The following PCBP3 variants were observed in gnomAD, a reference collection of about 807,000 sequenced individuals.
PCBP3 encodes poly(rC)-binding protein 3.
In PCBP3, 25 loss-of-function variants were observed where a neutral mutation model predicts 52.7. That is an observed-to-expected ratio of 0.47 (90% CI 0.35 to 0.66). The LOEUF (loss-of-function observed/expected upper bound fraction) is 0.66, where lower values mean the gene tolerates loss of function less well. Among genes scored for constraint, PCBP3 ranks in the 30% least tolerant of loss-of-function variants. PCBP3 has a pLI of 0.01. For missense variants in PCBP3, 391 were observed against 490.3 expected, an observed-to-expected ratio of 0.80 and a Z score of 1.91; for synonymous variants, 162 against 183.0, an observed-to-expected ratio of 0.89 and a Z score of 0.93.
chr21:45,674,129 A>G (rs1051554935), intron 2 of PCBP3, among the ~76,000 whole-genome samples: 1 of 152,212 alleles, frequency 6.6e-6, no homozygotes. Context: ...ACTTGAGTCA[A>G]GACAAGACTC....
intron 2 of PCBP3, among the ~76,000 whole-genome samples, chr21:45,733,096 G>T (rs2085581100): frequency 6.6e-6 from 1 of 152,162 alleles, no homozygotes; most frequent in African/African-American, 2.4e-5. Context: ...TACATTGACT[G>T]ATCTTTTCTT....
Position 45,669,799 on chromosome 21 carries a change from GTGTGTGTATATATATATA to G in PCBP3, c.-200+849_-200+866del, listed in dbSNP as rs1206696396. Among the ~76,000 whole-genome samples, 615 of 88,208 alleles carry G rather than the reference GTGTGTGTATATATATATA, an allele frequency of 7.0e-3. 6 individuals are homozygous for G. The highest frequency in any genetic ancestry group is 0.019 in the African/African-American group (510 of 26,356). The allele number at this position is 88,208 out of a possible 152,430, so 57.9% of individuals were successfully genotyped here. A position where few individuals can be genotyped will look rare whatever the true frequency, so the allele number is the denominator to read the frequency against. ...GAATAATATTCCATTGTGTGTGTGT[GTGTGTGTATATATATATA>G]TATATATATATATATATATATATAT... On this transcript the variant is annotated intron_variant, in intron 2 of 17. Coordinates refer to ENST00000681687, the MANE Select transcript of PCBP3 (RefSeq NM_001384156.1).
intron 17 of PCBP3, 39 bp downstream of exon 17, chr21:45,940,238 A>G (rs1393599952): frequency 1.7e-5 from 27 of 1,571,900 alleles, no homozygotes; most frequent in Non-Finnish European, 2.3e-5. Flanking sequence ...ACGCCCGGAA[A>G]GGGACGCGCC....
intron 4 of PCBP3, among the ~76,000 whole-genome samples, chr21:45,784,691 G>T (rs898376168): frequency 5.3e-5 from 8 of 152,236 alleles, no homozygotes; most frequent in Admixed American, 4.6e-4. Context: ...TCCAGCTCCT[G>T]ACCGCGAGTG....
intron 4 of PCBP3, among the ~76,000 whole-genome samples, chr21:45,844,676 A>C (rs1457079193): frequency 6.6e-6 from 1 of 151,984 alleles, no homozygotes; most frequent in Non-Finnish European, 1.5e-5. Flanking sequence ...GACAGAATGG[A>C]GATAGTTCTG....
intron 5 of PCBP3, among the ~76,000 whole-genome samples, chr21:45,870,057 T>C (rs1000776959): frequency 8.9e-6 from 1 of 112,662 alleles, no homozygotes; most frequent in African/African-American, 3.1e-5. Context: ...TGTTCATTTA[T>C]TTTTTAGTTG....
At chr21:45,693,328 A>G (rs1405619193) in intron 2 of PCBP3, among the ~76,000 whole-genome samples, 2 of 152,180 alleles carry the variant, frequency 1.3e-5, no homozygotes, top group African/African-American at 4.8e-5. Flanking sequence ...AAGAAGACAG[A>G]CATAAAAAGA....
chr21:45,785,786 C>T (rs2091101896), intron 4 of PCBP3, among the ~76,000 whole-genome samples: 1 of 143,526 alleles, frequency 7.0e-6, no homozygotes, highest in South Asian at 2.3e-4. Flanking sequence ...TTGTTCTGTA[C>T]TAGAAAAATT....
At chr21:45,884,775 C>T (rs184759234) in intron 5 of PCBP3, among the ~76,000 whole-genome samples, 9 of 152,352 alleles carry the variant, frequency 5.9e-5, no homozygotes, top group Admixed American at 5.9e-4. Flanking sequence ...GTTGCCCAGG[C>T]ATATATGTGT....
At position 45,939,947 on chromosome 21, in the gene PCBP3, C is replaced by T. The variant is rs539385837; in HGVS notation, c.910-83C>T. ...GTCCAAGGCTGGCGGCCCGTCCCAC[C>T]GGCCCCCTCGGGCGCACTGCCCACA... On this transcript the variant is annotated intron_variant, in intron 16 of 17. Coordinates refer to ENST00000681687, the MANE Select transcript of PCBP3 (RefSeq NM_001384156.1). 3,820 of 1,306,644 alleles carry T rather than the reference C, an allele frequency of 2.9e-3. 3 individuals carry two copies. The highest frequency in any genetic ancestry group is 3.6e-3 in the Non-Finnish European group (3,379 of 928,140). The allele number at this position is 1,306,644 out of a possible 1,614,324, so 80.9% of individuals were successfully genotyped here. A position where few individuals can be genotyped will look rare whatever the true frequency, so the allele number is the denominator to read the frequency against.
chr21:45,873,573 A>G (rs2095124492), intron 5 of PCBP3, among the ~76,000 whole-genome samples: 1 of 152,000 alleles, frequency 6.6e-6, no homozygotes, highest in Non-Finnish European at 1.5e-5. Context: ...TGTGTCGTTT[A>G]TGCTTCCCCT....
chr21:45,710,147 T>C (rs999123724), intron 2 of PCBP3, among the ~76,000 whole-genome samples: 2 of 152,314 alleles, frequency 1.3e-5, no homozygotes, highest in Admixed American at 1.3e-4. Flanking sequence ...GACTCTTCTT[T>C]TTTATTATTA....
rs149839432 is a variant in PCBP3 at position 45,756,637 on chromosome 21, A to G, written c.-126+1185A>G. Among the ~76,000 whole-genome samples, 740 of 152,238 alleles carry G rather than the reference A, an allele frequency of 4.9e-3. 6 individuals are homozygous for G. Among genetic ancestry groups the G allele is most frequent in the African/African-American group, 0.017 (709 of 41,536 alleles). The stretch of plus-strand genomic sequence containing the variant: ...AGTATATTCGCTAGCGTGTACAGCC[A>G]TTATCACTATCACCACCCGTAAAAC... On this transcript the variant is annotated intron_variant, in intron 4 of 17. Transcript: ENST00000681687.
chr21:45,768,670 GT>G (rs1209988859), intron 4 of PCBP3, among the ~76,000 whole-genome samples: 1 of 152,222 alleles, frequency 6.6e-6, no homozygotes, highest in Non-Finnish European at 1.5e-5. Context: ...CTCCAGTTGA[GT>G]GCACACACTG....
At chr21:45,849,308 C>A (rs2093903503) in intron 4 of PCBP3, among the ~76,000 whole-genome samples, 1 of 151,574 alleles carries the variant, frequency 6.6e-6, no homozygotes, top group Non-Finnish European at 1.5e-5. Flanking sequence ...TGGGTTCAAG[C>A]AATTCTCCTG....
chr21:45,790,067 G>A (rs1426227357), intron 4 of PCBP3, among the ~76,000 whole-genome samples: 1 of 152,186 alleles, frequency 6.6e-6, no homozygotes, highest in East Asian at 1.9e-4. Context: ...GTGAACCCGG[G>A]AGGCGGAGCT....
In PCBP3 at chr21:45,805,422, G is replaced by A. The variant is rs1325775561; in HGVS notation, c.-125-44539G>A. On this transcript the variant is annotated intron_variant, in intron 4 of 17. Transcript: ENST00000681687. This position sits in a 1 kb window ranked among gnomAD's most constrained non-coding sequence, Gnocchi z 4.6. ...GCCCTGTGTGCTGGGCCGTGCGGAG[G>A]TGGCCATGGGCAGCCCTTCCTTCTG... 1.3e-5 allele frequency among the ~76,000 whole-genome samples: 2 copies of A among 152,066 alleles called. No homozygotes were observed. The highest frequency in any genetic ancestry group is 6.5e-5 in the Admixed American group (1 of 15,284).
intron 4 of PCBP3, among the ~76,000 whole-genome samples, chr21:45,786,654 G>C (rs999590315): frequency 2.6e-5 from 4 of 152,116 alleles, no homozygotes; most frequent in African/African-American, 9.7e-5. Context: ...AGTCATTATT[G>C]TTAGTAAGAG....
At chr21:45,859,802 C>T (rs2094444319) in intron 5 of PCBP3, 2 of 152,418 alleles carry the variant, frequency 1.3e-5, no homozygotes, top group Non-Finnish European at 2.9e-5. Flanking sequence ...CTGGTCTCCA[C>T]ACCCGGGTCA....
Sources: gnomAD v4.1 joint callset for allele counts (sites outside exome capture counted in the v4.1 genomes callset) on GRCh38, gnomAD v4.1.1 for gene constraint, Gnocchi (gnomAD v3.1) non-coding constraint, MANE v1.5 for transcripts, NCBI Gene and HGNC (gene_info 2026-07-23, HGNC 2026-07-21) for gene names.